The following NRBP1 variants were observed in gnomAD, a reference collection of about 807,000 sequenced individuals.
NRBP1 encodes the protein nuclear receptor binding protein 1.
A neutral mutation model predicts 76.0 loss-of-function variants in NRBP1; 10 were observed. The ratio of observed to expected loss-of-function variants is 0.13; its 90% CI spans 0.08 to 0.22. The LOEUF (loss-of-function observed/expected upper bound fraction) is 0.22, where lower values mean the gene tolerates loss of function less well. NRBP1 is among the 10% of genes least tolerant of loss of function. The pLI, the probability that NRBP1 is intolerant of heterozygous loss-of-function variation, is 1.00. For missense variants in NRBP1, 344 were observed against 646.0 expected, an observed-to-expected ratio of 0.53 and a Z score of 5.07; for synonymous variants, 235 against 240.2, an observed-to-expected ratio of 0.98 and a Z score of 0.20.
At chr2:27,430,679 C>G (rs1296508700) in intron 1 of NRBP1, among the ~76,000 whole-genome samples, 1 of 151,960 alleles carries the variant, frequency 6.6e-6, no homozygotes, top group East Asian at 1.9e-4. Context: ...AGGCTGGTCT[C>G]GAACTCTTGA....
At chr2:27,441,044 C>G (rs1664526555) in intron 14 of NRBP1, 83 bp from the exon 15 acceptor site, 1 of 1,607,976 alleles carries the variant, frequency 6.2e-7, no homozygotes, top group South Asian at 1.1e-5. Context: ...CCCTAGCAGC[C>G]ATGCCCTATG....
intron 1 of NRBP1, among the ~76,000 whole-genome samples, chr2:27,432,765 T>G (rs901454081): frequency 1.3e-5 from 2 of 152,024 alleles, no homozygotes; most frequent in Non-Finnish European, 2.9e-5. Flanking sequence ...TTTGTAAAGA[T>G]GGGGTCTCAC....
In NRBP1 at chr2:27,428,659, G is replaced by A; in HGVS notation, c.-93G>A. 2 of 398,152 alleles carry A rather than the reference G, an allele frequency of 5.0e-6. No homozygotes were observed. Among genetic ancestry groups the A allele is most frequent in the East Asian group, 3.6e-5 (1 of 28,048 alleles). The allele number at this position is 398,152 out of a possible 1,614,324, so 24.7% of individuals were successfully genotyped here. ...TGCGCTGCGGAGCGCAGCTGTGAGG[G>A]AGTCGCTGTGATCCGGGGCCCCGGA... On this transcript the variant is annotated 5_prime_UTR_variant, in exon 1 of 18. Coordinates refer to ENST00000379852, the MANE Select transcript of NRBP1 (RefSeq NM_013392.4).
chr2:27,441,521 T>TA (rs1664560169), intron 16 of NRBP1, 46 bp from the exon 17 acceptor site: 1 of 1,600,324 alleles, frequency 6.2e-7, no homozygotes, highest in Non-Finnish European at 8.6e-7. Flanking sequence ...GGGCCCCAGG[T>TA]CCCTCAGTCC....
At chr2:27,436,976 TTC>T in intron 8 of NRBP1, 69 bp from the exon 9 acceptor site, 1 of 1,503,454 alleles carries the variant, frequency 6.7e-7, no homozygotes, top group Non-Finnish European at 9.1e-7. Context: ...TTTTTTTTTT[TTC>T]CTAAGGCATT....
chr2:27,427,975 A>C (rs993739779), upstream of NRBP1: 1 of 152,196 alleles, frequency 6.6e-6, no homozygotes, highest in Non-Finnish European at 1.5e-5. Flanking sequence ...CGGATTCTAG[A>C]CTTGGCTCTT....
chr2:27,431,038 CGCCT>C (rs1558333099), intron 1 of NRBP1, among the ~76,000 whole-genome samples: 1 of 151,948 alleles, frequency 6.6e-6, no homozygotes. Context: ...TGGTGGCTCA[CGCCT>C]GTAATCCCAG....
intron 7 of NRBP1, chr2:27,435,664 G>A (rs963132108): frequency 1.3e-5 from 9 of 717,390 alleles, no homozygotes; most frequent in Admixed American, 2.0e-5. Context: ...CTGCTCCATC[G>A]CTCACAACTT....
At chr2:27,441,082 T>C (rs745893490) in intron 14 of NRBP1, 45 bp from the exon 15 acceptor site, 15 of 1,611,474 alleles carry the variant, frequency 9.3e-6, no homozygotes, top group Non-Finnish European at 1.3e-5. Flanking sequence ...GGTATTGGGT[T>C]TTTTATGGAC....
At chr2:27,436,524 C>T in intron 7 of NRBP1, 1 of 517,974 alleles carries the variant, frequency 1.9e-6, no homozygotes, top group Non-Finnish European at 3.5e-6. Flanking sequence ...GCTTTTGTTG[C>T]TCCTGATTTA....
At chr2:27,440,725 G>A (rs1664507963) in intron 13 of NRBP1, 23 bp downstream of exon 13, 8 of 1,614,130 alleles carry the variant, frequency 5.0e-6, no homozygotes, top group Non-Finnish European at 6.8e-6. Flanking sequence ...TGAGAAGCAG[G>A]CTTTCTTGAG....
intron 15 of NRBP1, 39 bp downstream of exon 15, chr2:27,441,219 A>C (rs939580386): frequency 6.2e-7 from 1 of 1,613,770 alleles, no homozygotes; most frequent in African/African-American, 1.3e-5. Context: ...GCTAGTAGCC[A>C]GAGGGTAGGG....
chr2:27,431,358 A>G (rs1664109125), intron 1 of NRBP1, among the ~76,000 whole-genome samples: 1 of 152,196 alleles, frequency 6.6e-6, no homozygotes, highest in African/African-American at 2.4e-5. Flanking sequence ...TGGAAACTTC[A>G]GAGCCTTTGA....
At position 27,440,687 on chromosome 2, in the gene NRBP1, T is replaced by G; in HGVS notation, c.1178T>G (p.Phe393Cys). Residue 393 changes from phenylalanine (F) to cysteine (C), a missense_variant, in exon 13 of 18, where the codon TTC becomes TGC. This residue lies in a region of NRBP1 where 218 missense variants were observed against 309.8 expected (regional missense o/e 0.70). Coordinates refer to ENST00000379852, the MANE Select transcript of NRBP1 (RefSeq NM_013392.4). ...SQSPALELDK[F>C]LEDVRNGIYP... ...TCACCAGCTCTGGAATTAGATAAAT[T>G]CCTTGAAGATGTCAGGTGAGAGCAG... is the stretch of plus-strand genomic sequence containing the variant. 2 of 1,614,230 alleles carry G rather than the reference T, an allele frequency of 1.2e-6. No individual in the cohort carries two copies. The highest frequency in any genetic ancestry group is 1.7e-6 in the Non-Finnish European group (2 of 1,180,038).
At position 27,428,839 on chromosome 2, in the gene NRBP1, G is replaced by A. The variant is rs1663977804; in HGVS notation, c.-21+108G>A. On this transcript the variant is annotated intron_variant, in intron 1 of 17. Coordinates refer to ENST00000379852, the MANE Select transcript of NRBP1 (RefSeq NM_013392.4). ...GGGACCCGCCAGTCGGGTGCTGAAG[G>A]CGGCCCTGCTCACTCAGTAGCCCAG... The A allele has an allele frequency of 2.0e-5, 8 of 397,910 alleles. No individual in the cohort carries two copies. In the South Asian group the frequency reaches 7.6e-4, roughly 38 times the overall value. 24.6% of individuals were successfully genotyped at this position (397,910 alleles called of 1,614,324 possible).
intron 10 of NRBP1, among the ~76,000 whole-genome samples, chr2:27,439,347 TG>T (rs1664432729): frequency 6.6e-6 from 1 of 151,932 alleles, no homozygotes; most frequent in East Asian, 1.9e-4. Context: ...TAGCCGGGCA[TG>T]GTGGTGGGCA....
chr2:27,439,167 A>T (rs542836660), intron 10 of NRBP1, among the ~76,000 whole-genome samples: 1 of 152,116 alleles, frequency 6.6e-6, no homozygotes, highest in African/African-American at 2.4e-5. Flanking sequence ...GTTGACTAAT[A>T]AAGCAGAGAG....
intron 10 of NRBP1, 144 bp from the exon 11 acceptor site, chr2:27,439,621 TG>T (rs1173979449): frequency 6.2e-5 from 48 of 775,978 alleles, no homozygotes; most frequent in Non-Finnish European, 3.2e-5. Flanking sequence ...CCCTTTCAGG[TG>T]CATTTTTCAA....
At chr2:27,437,618 T>C (rs1221042550) in intron 10 of NRBP1, among the ~76,000 whole-genome samples, 1 of 152,204 alleles carries the variant, frequency 6.6e-6, no homozygotes, top group African/African-American at 2.4e-5. Context: ...ACGCCTGTAA[T>C]CCCAGCACTT....
Sources: gnomAD v4.1 joint callset for allele counts (sites outside exome capture counted in the v4.1 genomes callset) on GRCh38, gnomAD v4.1.1 for gene constraint, gnomAD v4.1.1 regional missense constraint, MANE v1.5 for transcripts, NCBI Gene and HGNC (gene_info 2026-07-23, HGNC 2026-07-21) for gene names.